LAMC2: variants seen among roughly 807,000 people sequenced by gnomAD.
LAMC2 encodes laminin subunit gamma-2.
A neutral mutation model predicts 140.2 loss-of-function variants in LAMC2; 97 were observed. The ratio of observed to expected loss-of-function variants is 0.69; its 90% CI spans 0.59 to 0.82. The LOEUF (loss-of-function observed/expected upper bound fraction) is 0.82, where lower values mean the gene tolerates loss of function less well. Ranked by LOEUF, LAMC2 falls within the 40% of genes least tolerant of loss-of-function variation. The pLI is 0.00. For synonymous variants in LAMC2, 513 were observed against 540.2 expected (o/e 0.95, Z 0.70); for missense variants, 1,402 against 1,476.1 (o/e 0.95, Z 0.82).
At chr1:183,216,961 G>A (rs3768600) in intron 3 of LAMC2, among the ~76,000 whole-genome samples, 39,053 of 152,034 alleles carry the variant, frequency 0.26, 5,798 homozygotes, top group African/African-American at 0.39. Flanking sequence ...CTGAGCACCC[G>A]GTAGATGCTG....
At chr1:183,231,190 A>T in intron 12 of LAMC2, 87 bp downstream of exon 12, 2 of 1,472,558 alleles carry the variant, frequency 1.4e-6, no homozygotes, top group Non-Finnish European at 9.5e-7. Flanking sequence ...GATCTAGGAC[A>T]CTCCTAGTCT....
chr1:183,199,494 T>C lies in LAMC2; in HGVS notation c.80-8387T>C, dbSNP rs539051178. On this transcript the variant is annotated intron_variant, in intron 1 of 22. Transcript: ENST00000264144. The stretch of plus-strand genomic sequence containing the variant: ...CTTTCTTCCTTCCTTCCCTCCCTCA[T>C]TCCCTCCCTCAATTCCTTTCTCTCT... 1.0e-4 allele frequency among the ~76,000 whole-genome samples: 15 copies of C among 150,588 alleles called. No individual in the cohort carries two copies. In the East Asian group the frequency reaches 2.8e-3, roughly 28 times the overall value.
At chr1:183,206,118 T>C (rs1230855509) in intron 1 of LAMC2, among the ~76,000 whole-genome samples, 1 of 152,218 alleles carries the variant, frequency 6.6e-6, no homozygotes, top group African/African-American at 2.4e-5. Context: ...TGTGTGACTT[T>C]AGGCAAGATA....
chr1:183,188,882 T>C (rs1375404593), intron 1 of LAMC2, among the ~76,000 whole-genome samples: 7 of 152,160 alleles, frequency 4.6e-5, no homozygotes, highest in Non-Finnish European at 1.0e-4. Flanking sequence ...ACCAATATGC[T>C]TGTGAAGGGC....
chr1:183,196,904 G>C (rs1658537386), intron 1 of LAMC2, among the ~76,000 whole-genome samples: 1 of 152,220 alleles, frequency 6.6e-6, no homozygotes, highest in Admixed American at 6.5e-5. Context: ...GAATGGAAGA[G>C]AGATGAAGAT....
intron 1 of LAMC2, among the ~76,000 whole-genome samples, chr1:183,198,136 C>T (rs147983991): frequency 1.1e-4 from 13 of 115,090 alleles, no homozygotes; most frequent in East Asian, 2.7e-4. Flanking sequence ...TTTTTTTTTT[C>T]TTTCTTTTTT....
chr1:183,204,830 T>G (rs1658832340), intron 1 of LAMC2, among the ~76,000 whole-genome samples: 1 of 152,172 alleles, frequency 6.6e-6, no homozygotes, highest in Admixed American at 6.5e-5. Flanking sequence ...TTCTTTTTTT[T>G]TTCTTTTTTG....
chr1:183,231,895 A>G lies in LAMC2; in HGVS notation c.1858-292A>G, dbSNP rs1659810531. On this transcript the variant is annotated intron_variant, in intron 12 of 22. Transcript: ENST00000264144. ...ATATTAACTGCATTTTGAGCTTTAT[A>G]GATGTTAACCCAGGTAGTCCAAGTA... is the stretch of plus-strand genomic sequence containing the variant. 2.0e-5 allele frequency among the ~76,000 whole-genome samples: 3 copies of G among 152,220 alleles called. No homozygotes were observed. The South Asian group carries it at 6.2e-4, about 31-fold the overall frequency.
chr1:183,232,533 A>G (rs1439382629), intron 13 of LAMC2, 119 bp from the exon 14 acceptor site: 5 of 1,094,464 alleles, frequency 4.6e-6, no homozygotes, highest in Middle Eastern at 2.8e-4. Context: ...GAATGGTTGG[A>G]TGCATTTCTC....
intron 8 of LAMC2, 95 bp from the exon 9 acceptor site, chr1:183,226,603 T>G: frequency 2.8e-6 from 3 of 1,072,388 alleles, no homozygotes; most frequent in Non-Finnish European, 4.3e-6. Context: ...CTGTCTTTGT[T>G]AGGGAGTTAA....
Position 183,232,643 on chromosome 1 carries a change from T to A in LAMC2, c.2015-9T>A, listed in dbSNP as rs760933152. 1 of 1,611,602 alleles carries A rather than the reference T, an allele frequency of 6.2e-7. No homozygotes were observed. Among genetic ancestry groups the A allele is most frequent in the African/African-American group, 1.3e-5 (1 of 74,844 alleles). On this transcript the variant is annotated splice_polypyrimidine_tract_variant and intron_variant, in intron 13 of 22. Transcript: ENST00000264144. ...AGTGCTCATGCTCCCTTTCCTTCTT[T>A]GCGTTCAGGTGCTAGCAGATCCCTT...
intron 3 of LAMC2, among the ~76,000 whole-genome samples, chr1:183,217,946 CA>C (rs1241819373): frequency 2.0e-5 from 3 of 152,124 alleles, no homozygotes; most frequent in African/African-American, 7.2e-5. Flanking sequence ...GAATTACCAA[CA>C]GAAAGAACTG....
chr1:183,230,823 A>T, intron 11 of LAMC2, 138 bp from the exon 12 acceptor site: 1 of 958,308 alleles, frequency 1.0e-6, no homozygotes, highest in Non-Finnish European at 1.6e-6. Context: ...CCTAAGACCT[A>T]TCTGTATTAA....
At chr1:183,217,068 T>C (rs964475658) in intron 3 of LAMC2, among the ~76,000 whole-genome samples, 2 of 152,048 alleles carry the variant, frequency 1.3e-5, no homozygotes, top group Non-Finnish European at 2.9e-5. Flanking sequence ...GCAAAGAAAT[T>C]CCAGCCATAA....
At chr1:183,254,765 T>G in the LAMC2 span, among the ~76,000 whole-genome samples, 1 of 152,216 alleles carries the variant, frequency 6.6e-6, no homozygotes, top group Non-Finnish European at 1.5e-5. Flanking sequence ...TTGAGTAATA[T>G]GTTTTCTTGC....
intron 1 of LAMC2, among the ~76,000 whole-genome samples, chr1:183,200,929 G>A (rs1244049271): frequency 5.3e-5 from 8 of 152,190 alleles, no homozygotes; most frequent in Admixed American, 5.2e-4. Context: ...GCATACAGCA[G>A]TCAGACGCAA....
chr1:183,240,563 C>T (rs773911014), intron 22 of LAMC2, 172 bp downstream of exon 22: 3 of 1,446,350 alleles, frequency 2.1e-6, no homozygotes, highest in Non-Finnish European at 1.8e-6. Context: ...CTTACATTTA[C>T]TGGACCCTGT....
intron 2 of LAMC2, among the ~76,000 whole-genome samples, chr1:183,213,748 C>CAAAAA (rs529019896): frequency 1.3e-4 from 9 of 68,176 alleles, no homozygotes; most frequent in African/African-American, 5.3e-4. Flanking sequence ...TGCAGTGAGC[C>CAAAAA]AAAAAAAAAA....
chr1:183,191,498 CTT>C (rs58871555), intron 1 of LAMC2, among the ~76,000 whole-genome samples: 227 of 138,862 alleles, frequency 1.6e-3, no homozygotes, highest in Middle Eastern at 7.4e-3. Flanking sequence ...AACTTACTGA[CTT>C]TTTTTTTTTT....
Sources: gnomAD v4.1 joint callset for allele counts (sites outside exome capture counted in the v4.1 genomes callset) on GRCh38, gnomAD v4.1.1 for gene constraint, MANE v1.5 for transcripts, NCBI Gene and HGNC (gene_info 2026-07-23, HGNC 2026-07-21) for gene names.